The following KCND2 variants were observed in gnomAD, a reference collection of about 807,000 sequenced individuals.
The protein encoded by KCND2 is A-type voltage-gated potassium channel KCND2.
KCND2 carries 16 observed loss-of-function variants against 54.4 expected under a neutral mutation model. That is an observed-to-expected ratio of 0.29 (90% CI 0.20 to 0.45). The LOEUF (loss-of-function observed/expected upper bound fraction) is 0.45, where lower values mean the gene tolerates loss of function less well. KCND2 is among the 20% of genes least tolerant of loss of function. KCND2 has a pLI of 1.00. For synonymous variants in KCND2, 317 were observed against 310.7 expected, an observed-to-expected ratio of 1.02 and a Z score of -0.21; for missense variants, 486 against 824.2, an observed-to-expected ratio of 0.59 and a Z score of 5.02.
At chr7:120,730,925 A>G (rs1231318487) in intron 1 of KCND2, among the ~76,000 whole-genome samples, 1 of 152,198 alleles carries the variant, frequency 6.6e-6, no homozygotes, top group Non-Finnish European at 1.5e-5. Flanking sequence ...TCCCTTGAGC[A>G]TGGATTCTAG....
At chr7:120,588,476 G>A (rs1221780302) in intron 1 of KCND2, among the ~76,000 whole-genome samples, 1 of 149,268 alleles carries the variant, frequency 6.7e-6, no homozygotes, top group Non-Finnish European at 1.5e-5. Flanking sequence ...AAGAATCTAG[G>A]ATCAGAATCT....
chr7:120,336,072 G>C (rs1463463822), intron 1 of KCND2, among the ~76,000 whole-genome samples: 1 of 151,978 alleles, frequency 6.6e-6, no homozygotes, highest in East Asian at 1.9e-4. Flanking sequence ...ATTTTTTAAG[G>C]TGGGATAAAC....
chr7:120,450,551 A>C (rs1029514018), intron 1 of KCND2, among the ~76,000 whole-genome samples: 1 of 152,206 alleles, frequency 6.6e-6, no homozygotes, highest in African/African-American at 2.4e-5. Context: ...AAAGTCCTTC[A>C]TGAATTTATG....
chr7:120,357,844 T>C (rs547975842), intron 1 of KCND2, among the ~76,000 whole-genome samples: 32 of 152,250 alleles, frequency 2.1e-4, no homozygotes, highest in Non-Finnish European at 4.4e-4. Context: ...TCTGTTGGAT[T>C]ATGGACCCAC....
intron 2 of KCND2, chr7:120,740,860 AC>A: frequency 2.2e-6 from 1 of 456,172 alleles, no homozygotes. Context: ...AGTCGTGCGG[AC>A]CCGTGCCGGT....
intron 1 of KCND2, among the ~76,000 whole-genome samples, chr7:120,388,494 A>C (rs1801021872): frequency 6.6e-6 from 1 of 151,994 alleles, no homozygotes; most frequent in Non-Finnish European, 1.5e-5. Context: ...TCTGACTTAG[A>C]CTGGAGTGAG....
rs869059871 is a variant in KCND2, at chr7:120,712,241, A to ATT, written c.1116-20623_1116-20622dup. Among the ~76,000 whole-genome samples, 76 of 34,784 alleles carry ATT rather than the reference A, an allele frequency of 2.2e-3. 20 individuals carry two copies. Among genetic ancestry groups the ATT allele is most frequent in the African/African-American group, 2.9e-3 (24 of 8,288 alleles). The allele number at this position is 34,784 out of a possible 152,430, so 22.8% of individuals were successfully genotyped here. ...TTTTCTTTGAATTTTGGATATCTGA[A>ATT]TTTTTTTTTTTTTTTTTTTTTTTTT... On this transcript the variant is annotated intron_variant, in intron 1 of 5. Coordinates refer to ENST00000331113, the MANE Select transcript of KCND2 (RefSeq NM_012281.3).
intron 1 of KCND2, among the ~76,000 whole-genome samples, chr7:120,336,113 A>T (rs919172588): frequency 6.6e-6 from 1 of 152,192 alleles, no homozygotes; most frequent in Non-Finnish European, 1.5e-5. Context: ...TTTTAAAAAA[A>T]TTTTCATCAC....
At chr7:120,595,591 G>GTATATATATATATATATATA (rs58301382) in intron 1 of KCND2, among the ~76,000 whole-genome samples, 55 of 131,888 alleles carry the variant, frequency 4.2e-4, no homozygotes, top group African/African-American at 1.2e-3. Flanking sequence ...GTGTGTGTGT[G>GTATATATATATATATATATA]TATATATATA....
Position 120,748,330 on chromosome 7 carries a change from A to C in KCND2, c.*472A>C, listed in dbSNP as rs1056038692. ...TTTGTATTGACTGAAGGAAACCATC[A>C]TAATGCATGCTAGAATTCTTTGAAG... is the stretch of plus-strand genomic sequence containing the variant. On this transcript the variant is annotated 3_prime_UTR_variant, in exon 6 of 6. Transcript: ENST00000331113. The C allele has an allele frequency of 1.3e-5, 2 of 156,664 alleles. No homozygotes were observed. The highest frequency in any genetic ancestry group is 4.8e-5 in the African/African-American group (2 of 41,456). 9.7% of individuals were successfully genotyped at this position (156,664 alleles called of 1,614,324 possible).
chr7:120,686,498 G>A lies in KCND2; in HGVS notation c.1116-46405G>A, dbSNP rs556228697. Reference sequence around the variant, plus strand: ...TCCTCAGAAGAAAGAATTCAATGGAGAGGCATAAGACAGAGTTGGAGGCAA... The same window carrying A: ...TCCTCAGAAGAAAGAATTCAATGGAAAGGCATAAGACAGAGTTGGAGGCAA... On this transcript the variant is annotated intron_variant, in intron 1 of 5. Transcript: ENST00000331113. 1.4e-3 allele frequency among the ~76,000 whole-genome samples: 217 copies of A among 152,272 alleles called. 1 individual carries two copies. Among genetic ancestry groups the A allele is most frequent in the Non-Finnish European group, 1.9e-3 (129 of 67,994 alleles).
intron 1 of KCND2, among the ~76,000 whole-genome samples, chr7:120,626,968 T>C (rs1263207381): frequency 6.6e-6 from 1 of 152,240 alleles, no homozygotes; most frequent in Admixed American, 6.5e-5. Context: ...TACACTACAC[T>C]GTCTTGGTCT....
chr7:120,594,201 T>C (rs902192107), intron 1 of KCND2, among the ~76,000 whole-genome samples: 6 of 152,194 alleles, frequency 3.9e-5, no homozygotes, highest in African/African-American at 1.4e-4. Context: ...TAAGAGTAGA[T>C]TTCATGAAAT....
rs946937393 is a variant in KCND2 at position 120,731,373 on chromosome 7, G to A, written c.1116-1530G>A. 2.0e-5 allele frequency among the ~76,000 whole-genome samples: 3 copies of A among 152,290 alleles called. No homozygotes were observed. The East Asian group carries it at 5.8e-4, about 29-fold the overall frequency. ...AGAGAATAAGACTACTGTGAATTAGGTGGCCAGAAAATCACTTGGATGGAG... is the reference window on the plus strand; with the variant it reads ...AGAGAATAAGACTACTGTGAATTAGATGGCCAGAAAATCACTTGGATGGAG... On this transcript the variant is annotated intron_variant, in intron 1 of 5. Transcript: ENST00000331113.
At chr7:120,352,459 TACACACACACACACACACAC>T (rs199700951) in intron 1 of KCND2, among the ~76,000 whole-genome samples, 6 of 148,110 alleles carry the variant, frequency 4.1e-5, no homozygotes, top group Non-Finnish European at 7.4e-5. Flanking sequence ...CACACATACA[TACACACACACACACACACAC>T]ACACACACAC....
chr7:120,621,454 G>A (rs953057357), intron 1 of KCND2, among the ~76,000 whole-genome samples: 5 of 151,864 alleles, frequency 3.3e-5, no homozygotes, highest in East Asian at 3.9e-4. Flanking sequence ...TCTCCCTGTA[G>A]CATTTAACCC....
intron 1 of KCND2, among the ~76,000 whole-genome samples, chr7:120,614,091 C>G (rs922207910): frequency 6.6e-6 from 1 of 151,616 alleles, no homozygotes; most frequent in Non-Finnish European, 1.5e-5. Context: ...CGGCTCACTG[C>G]AACCTCCGCC....
intron 1 of KCND2, among the ~76,000 whole-genome samples, chr7:120,581,686 A>G (rs1792517298): frequency 6.6e-6 from 1 of 150,824 alleles, no homozygotes; most frequent in African/African-American, 2.4e-5. Flanking sequence ...CAGCAAGCTA[A>G]TTGCCTGGAA....
At chr7:120,562,015 GA>G (rs1432925769) in intron 1 of KCND2, among the ~76,000 whole-genome samples, 2 of 152,146 alleles carry the variant, frequency 1.3e-5, no homozygotes, top group Non-Finnish European at 2.9e-5. Flanking sequence ...TGGTAATGAG[GA>G]AAGGAAAAAG....
Sources: gnomAD v4.1 joint callset for allele counts (sites outside exome capture counted in the v4.1 genomes callset) on GRCh38, gnomAD v4.1.1 for gene constraint, MANE v1.5 for transcripts, NCBI Gene and HGNC (gene_info 2026-07-23, HGNC 2026-07-21) for gene names.